GTF2A2: variants seen among roughly 807,000 people sequenced by gnomAD.
GTF2A2 encodes the protein transcription initiation factor IIA subunit 2.
Under a neutral mutation model 14.3 loss-of-function variants are expected in GTF2A2, and 9 were observed. The ratio of observed to expected loss-of-function variants is 0.63; its 90% CI spans 0.38 to 1.10. The LOEUF is 1.10. GTF2A2 is among the 50% of genes least tolerant of loss of function. The pLI, the probability that GTF2A2 is intolerant of heterozygous loss-of-function variation, is 0.01. For synonymous variants in GTF2A2, 56 were observed against 46.0 expected (o/e 1.22, Z -0.88); for missense variants, 90 against 124.6 (o/e 0.72, Z 1.32).
chr15:59,645,851 A>G (rs2141960544), intron 3 of GTF2A2, among the ~76,000 whole-genome samples: 1 of 152,022 alleles, frequency 6.6e-6, no homozygotes, highest in South Asian at 2.1e-4. Flanking sequence ...CCTGGCCAAC[A>G]TAGTGAAACC....
intron 3 of GTF2A2, among the ~76,000 whole-genome samples, chr15:59,649,415 C>T (rs1258749047): frequency 1.3e-5 from 2 of 152,166 alleles, no homozygotes; most frequent in Admixed American, 1.3e-4. Flanking sequence ...TACAATAATG[C>T]ACCTAGAGGA....
intron 3 of GTF2A2, among the ~76,000 whole-genome samples, chr15:59,648,224 T>C (rs974809121): frequency 3.3e-5 from 5 of 151,248 alleles, no homozygotes; most frequent in Non-Finnish European, 5.9e-5. Context: ...CTGGCCAACA[T>C]AGTGAAATCC....
rs1351072327 is a variant in GTF2A2, at chr15:59,638,166, A to G, written c.*966T>C. On this transcript the variant is annotated 3_prime_UTR_variant, in exon 5 of 5. Coordinates refer to ENST00000396060, the MANE Select transcript of GTF2A2 (RefSeq NM_004492.3). ...TAATCCTCCAGTCTCAGCCTCCTAA[A>G]GTACTGGGATTACTTACAGGTGTGA... 2 of 152,164 alleles carry G rather than the reference A, an allele frequency of 1.3e-5. No individual in the cohort carries two copies. Among genetic ancestry groups the G allele is most frequent in the African/African-American group, 2.4e-5 (1 of 41,412 alleles). The allele number at this position is 152,164 out of a possible 1,614,324, so 9.4% of individuals were successfully genotyped here. A position where few individuals can be genotyped will look rare whatever the true frequency, so the allele number is the denominator to read the frequency against.
intron 1 of GTF2A2, among the ~76,000 whole-genome samples, chr15:59,656,650 G>A (rs1381208887): frequency 6.6e-6 from 1 of 152,164 alleles, no homozygotes; most frequent in East Asian, 1.9e-4. Context: ...TGTGGGAGGG[G>A]AGAGGGGGTT....
chr15:59,640,881 G>A (rs539076445), intron 4 of GTF2A2, among the ~76,000 whole-genome samples: 1 of 151,964 alleles, frequency 6.6e-6, no homozygotes, highest in African/African-American at 2.4e-5. Flanking sequence ...TGACAAAGAT[G>A]TATCTAATGA....
At chr15:59,648,890 C>T (rs1891702573) in intron 3 of GTF2A2, among the ~76,000 whole-genome samples, 1 of 152,002 alleles carries the variant, frequency 6.6e-6, no homozygotes, top group Admixed American at 6.5e-5. Context: ...GCCAAGATCT[C>T]GCCACTGCAC....
intron 4 of GTF2A2, among the ~76,000 whole-genome samples, chr15:59,640,613 C>A (rs116659048): frequency 6.6e-5 from 10 of 151,884 alleles, no homozygotes; most frequent in African/African-American, 2.4e-4. Flanking sequence ...AGAACATGTC[C>A]GTGCTAAAAA....
At chr15:59,652,467 G>A (rs894571418) in intron 1 of GTF2A2, 141 bp from the exon 2 acceptor site, 6 of 514,402 alleles carry the variant, frequency 1.2e-5, no homozygotes, top group Non-Finnish European at 2.0e-5. Flanking sequence ...AATCATTTTA[G>A]AATTACAAGG....
In GTF2A2 at chr15:59,639,307, C is replaced by T. The variant is rs1384374077; in HGVS notation, c.305-150G>A. ...GGGAAGAACAGGAGGAAAGGTGACA[C>T]TGTAAATATGTTGAACTTCAGTAAG... On this transcript the variant is annotated intron_variant, in intron 4 of 4. Coordinates refer to ENST00000396060, the MANE Select transcript of GTF2A2 (RefSeq NM_004492.3). The T allele has an allele frequency of 4.7e-6, 3 of 641,692 alleles. No homozygotes were observed. In the African/African-American group the frequency reaches 5.5e-5, roughly 12 times the overall value. The allele number at this position is 641,692 out of a possible 1,614,324, so 39.7% of individuals were successfully genotyped here. A position where few individuals can be genotyped will look rare whatever the true frequency, so the allele number is the denominator to read the frequency against.
intron 4 of GTF2A2, among the ~76,000 whole-genome samples, chr15:59,640,628 T>G (rs1192414853): frequency 6.6e-6 from 1 of 152,190 alleles, no homozygotes; most frequent in Admixed American, 6.5e-5. Flanking sequence ...TAAAAAAAAG[T>G]TCTAAGCAGT....
At chr15:59,654,562 T>C (rs10152509) in intron 1 of GTF2A2, among the ~76,000 whole-genome samples, 85,550 of 152,026 alleles carry the variant, frequency 0.56, 24,714 homozygotes, top group Middle Eastern at 0.65. Flanking sequence ...TCTACTAAAA[T>C]AGATGACACA....
chr15:59,653,050 T>C (rs1891840416), intron 1 of GTF2A2: 1 of 152,250 alleles, frequency 6.6e-6, no homozygotes, highest in Non-Finnish European at 1.5e-5. Flanking sequence ...TTCTACATTA[T>C]CAGGGCATAA....
intron 4 of GTF2A2, among the ~76,000 whole-genome samples, chr15:59,640,501 T>TAAATTCA (rs1269123323): frequency 6.6e-6 from 1 of 152,208 alleles, no homozygotes; most frequent in African/African-American, 2.4e-5. Context: ...CATATGTGGC[T>TAAATTCA]AAATTCAAAT....
At chr15:59,645,046 T>C (rs1421036486) in intron 3 of GTF2A2, among the ~76,000 whole-genome samples, 3 of 152,118 alleles carry the variant, frequency 2.0e-5, no homozygotes, top group Non-Finnish European at 4.4e-5. Context: ...AAGGGATCAA[T>C]AGAAATGGAG....
intron 2 of GTF2A2, chr15:59,651,845 G>A (rs904633043): frequency 4.6e-5 from 8 of 172,186 alleles, no homozygotes; most frequent in South Asian, 1.3e-4. Flanking sequence ...CGCCCACACC[G>A]AACTAATTTT....
At chr15:59,648,016 A>C (rs1891662561) in intron 3 of GTF2A2, among the ~76,000 whole-genome samples, 1 of 152,188 alleles carries the variant, frequency 6.6e-6, no homozygotes, top group Non-Finnish European at 1.5e-5. Flanking sequence ...TAAATCTTTT[A>C]ACGCTTGTTA....
At chr15:59,645,272 A>G (rs1891565364) in intron 3 of GTF2A2, among the ~76,000 whole-genome samples, 1 of 152,216 alleles carries the variant, frequency 6.6e-6, no homozygotes, top group South Asian at 2.1e-4. Context: ...AGGAGAAAGC[A>G]TGTGATTATG....
intron 3 of GTF2A2, among the ~76,000 whole-genome samples, chr15:59,648,320 A>G (rs1555394512): frequency 6.7e-6 from 1 of 149,018 alleles, no homozygotes; most frequent in Non-Finnish European, 1.5e-5. Flanking sequence ...AGACAGAAGA[A>G]TCGCTTGAAC....
chr15:59,645,339 G>A (rs781488360), intron 3 of GTF2A2, among the ~76,000 whole-genome samples: 1 of 152,144 alleles, frequency 6.6e-6, no homozygotes, highest in African/African-American at 2.4e-5. Context: ...GCGGACGCAC[G>A]CTGTAACCCT....
Sources: allele counts gnomAD v4.1 joint callset (sites outside exome capture counted in the v4.1 genomes callset), GRCh38; gene constraint gnomAD v4.1.1; transcripts MANE v1.5; gene names NCBI Gene and HGNC (gene_info 2026-07-23, HGNC 2026-07-21).